The following TTN variants were observed in gnomAD, a reference collection of about 807,000 sequenced individuals.
TTN encodes titin.
Under a neutral mutation model 3,223.0 loss-of-function variants are expected in TTN, and 1,525 were observed. The observed-to-expected ratio is 0.47, with a 90% CI of 0.45 to 0.49. The LOEUF (loss-of-function observed/expected upper bound fraction) is 0.49, where lower values mean the gene tolerates loss of function less well. Among genes scored for constraint, TTN ranks in the 20% least tolerant of loss-of-function variants. TTN has a pLI of 0.00. For synonymous variants in TTN, 14,094 were observed against 15,161.0 expected (o/e 0.93, Z 5.17); for missense variants, 40,786 against 43,424.0 (o/e 0.94, Z 5.40).
intron 250 of TTN, 137 bp from the exon 251 acceptor site, chr2:178,618,990 C>G: frequency 8.2e-7 from 1 of 1,222,728 alleles, no homozygotes; most frequent in African/African-American, 1.5e-5. Flanking sequence ...GCAGAGAAAA[C>G]TAAGTGGCTT....
chr2:178,784,275 T>C lies in TTN; in HGVS notation c.2570A>G (p.Lys857Arg), dbSNP rs1471793019. The change falls in exon 16 of 363, where the codon AAA becomes AGA. Residue 857 changes from lysine to arginine, a missense_variant. Physicochemically the swap from Lys to Arg is conservative, Grantham distance 26. Transcript: ENST00000589042. Reference protein sequence around the residue: ...SATSSAQKITKSVKAPTVKPS... With the variant: ...SATSSAQKITRSVKAPTVKPS... ...CTTCACAGTAGGAGCCTTCACCGAT[T>C]TGGTGATCTTCTGAGCAGAAGATGT... is the stretch of plus-strand genomic sequence containing the variant. 1.2e-6 allele frequency: 2 copies of C among 1,613,986 alleles called. No homozygotes were observed. Among genetic ancestry groups the C allele is most frequent in the Non-Finnish European group, 1.7e-6 (2 of 1,180,004 alleles).
chr2:178,735,039 C>T, intron 50 of TTN, 51 bp from the exon 51 acceptor site: 2 of 1,472,406 alleles, frequency 1.4e-6, no homozygotes, highest in East Asian at 2.5e-5. Context: ...GAAACATAAA[C>T]TCCGCAAAAG....
At chr2:178,642,134 G>T in intron 219 of TTN, 103 bp downstream of exon 219, 4 of 896,202 alleles carry the variant, frequency 4.5e-6, no homozygotes, top group Non-Finnish European at 4.7e-6. Flanking sequence ...GATAAATAGC[G>T]AACCAATTCA....
At chr2:178,665,851 C>T (rs1396502889) in intron 163 of TTN, 60 bp from the exon 164 acceptor site, 3 of 824,996 alleles carry the variant, frequency 3.6e-6, no homozygotes, top group Non-Finnish European at 4.9e-6. Context: ...GAGTTCCCAT[C>T]TTAACTGCAC....
Position 178,590,199 on chromosome 2 carries a change from G to C in TTN, c.61526C>G (p.Thr20509Ser). Residue 20509 changes from threonine to serine, a missense_variant, in exon 304 of 363, where the codon ACT becomes AGT. Coordinates refer to ENST00000589042, the MANE Select transcript of TTN (RefSeq NM_001267550.2). ...CAATACTTTGCCTTCCTTAGTCCAA[G>C]TTATGTCTGGTTCAGGTCTGCCTTT... ...RVKGRPEPDITWTKEGKVLVR... is the reference protein window; with the variant it reads ...RVKGRPEPDISWTKEGKVLVR... 6.2e-7 allele frequency: 1 copy of C among 1,608,422 alleles called. No homozygotes were observed. Among genetic ancestry groups the C allele is most frequent in the Non-Finnish European group, 8.5e-7 (1 of 1,177,294 alleles).
At position 178,684,712 on chromosome 2, in the gene TTN, CTTT is replaced by C; in HGVS notation, c.32589_32591del (p.Lys10864del). On this transcript the variant is annotated inframe_deletion, in exon 131 of 363. Coordinates refer to ENST00000589042, the MANE Select transcript of TTN (RefSeq NM_001267550.2). ...CCATCTTAATGACTTTTGGAGGAAC[CTTT>C]TTTTCTGGAACTGGTTTCTTTGGCT... The C allele has an allele frequency of 6.2e-7, 1 of 1,613,286 alleles. No homozygotes were observed. The highest frequency in any genetic ancestry group is 8.5e-7 in the Non-Finnish European group (1 of 1,179,614).
intron 242 of TTN, 123 bp downstream of exon 242, chr2:178,624,342 T>G: frequency 8.3e-7 from 1 of 1,201,734 alleles, no homozygotes; most frequent in South Asian, 1.3e-5. Context: ...TCAGTGTCAA[T>G]ACTAGAAGTT....
chr2:178,537,151 C>G lies in TTN; in HGVS notation c.99958G>C (p.Gly33320Arg). Residue 33320 changes from glycine to arginine, a missense_variant, in exon 356 of 363, where the codon GGC (glycine) becomes CGC (arginine). Transcript: ENST00000589042. ...ISWKPPADDG[G>R]SWITNYVVEK... ...ACCACATAGTTGGTGATCCAGGAGC[C>G]TCCGTCATCTGCGGGTGGTTTCCAG... 1 of 1,613,642 alleles carries G rather than the reference C, an allele frequency of 6.2e-7. No homozygotes were observed. The highest frequency in any genetic ancestry group is 8.5e-7 in the Non-Finnish European group (1 of 1,179,726).
In TTN at chr2:178,575,502, T is replaced by C. The variant is rs1424128592; in HGVS notation, c.70630A>G (p.Ile23544Val). Reference protein sequence around the residue: ...SPPDSLNIMDITKSTVSLAWP... With the variant: ...SPPDSLNIMDVTKSTVSLAWP... ...GCCAGGCTGACGGTGCTCTTAGTTA[T>C]GTCCATGATGTTAAGGCTGTCTGGT... The change falls in exon 326 of 363, where the codon ATA (isoleucine) becomes GTA (valine). Residue 23544 changes from isoleucine to valine, a missense_variant. Ile to Val is a conservative substitution (Grantham distance 29). Transcript: ENST00000589042. This position sits in a 1 kb window ranked among gnomAD's most constrained non-coding sequence, Gnocchi z 4.0. 8 of 1,613,590 alleles carry C rather than the reference T, an allele frequency of 5.0e-6. No individual in the cohort carries two copies. Among genetic ancestry groups the C allele is most frequent in the Admixed American group, 3.3e-5 (2 of 59,998 alleles).
In TTN at chr2:178,534,730, T is replaced by C; in HGVS notation, c.101885A>G (p.Gln33962Arg). Reference sequence around the variant, plus strand: ...GTCCCCTGGTTTCAGCTGACGGGCTTGACCAAATTCTATGATTTTAATGGT... The same window carrying C: ...GTCCCCTGGTTTCAGCTGACGGGCTCGACCAAATTCTATGATTTTAATGGT... ...SSTIKIIEFG[Q>R]ARQLKPGDNF... The change falls in exon 358 of 363, where the codon CAA (glutamine) becomes CGA (arginine). Residue 33962 changes from glutamine to arginine, a missense_variant. Physicochemically the swap from Gln to Arg is conservative, Grantham distance 43. Coordinates refer to ENST00000589042, the MANE Select transcript of TTN (RefSeq NM_001267550.2). 6.2e-7 allele frequency: 1 copy of C among 1,613,872 alleles called. No individual in the cohort carries two copies. Among genetic ancestry groups the C allele is most frequent in the Middle Eastern group, 1.6e-4 (1 of 6,062 alleles).
intron 143 of TTN, 53 bp downstream of exon 143, chr2:178,678,694 T>C: frequency 6.6e-7 from 1 of 1,524,504 alleles, no homozygotes; most frequent in Non-Finnish European, 9.0e-7. Flanking sequence ...AATTAATTTT[T>C]ACCCATATGC....
intron 121 of TTN, 69 bp downstream of exon 121, chr2:178,691,947 T>G (rs754670545): frequency 1.7e-5 from 22 of 1,322,366 alleles, no homozygotes; most frequent in Non-Finnish European, 2.0e-5. Context: ...ATAGTACATA[T>G]GAAGATCGTA....
At chr2:178,784,029 A>G (rs964634897) in intron 16 of TTN, 41 bp downstream of exon 16, 2 of 1,611,256 alleles carry the variant, frequency 1.2e-6, no homozygotes, top group Non-Finnish European at 8.5e-7. Flanking sequence ...GCCCTGCTCA[A>G]TGGGAGTGGA....
Position 178,741,219 on chromosome 2 carries a change from T to G in TTN, c.12014A>C (p.Asp4005Ala). 1 of 1,613,470 alleles carries G rather than the reference T, an allele frequency of 6.2e-7. No homozygotes were observed. Among genetic ancestry groups the G allele is most frequent in the Non-Finnish European group, 8.5e-7 (1 of 1,179,824 alleles). Residue 4005 changes from aspartate to alanine, a missense_variant, in exon 48 of 363, where the codon GAC (aspartate) becomes GCC (alanine). By Grantham distance (126) the Asp-to-Ala change is moderately radical. Coordinates refer to ENST00000589042, the MANE Select transcript of TTN (RefSeq NM_001267550.2). The stretch of plus-strand genomic sequence containing the variant: ...TGCTTTACAGATATAGAGGCCACTG[T>G]CTTCCCTCTGAGGGTCATTGACAAT... ...TFIVNDPQRE[D>A]SGLYICKAEN...
chr2:178,802,046 C>A (rs2154359756), intron 3 of TTN, 92 bp downstream of exon 3: 2 of 1,489,620 alleles, frequency 1.3e-6, no homozygotes, highest in African/African-American at 1.4e-5. Context: ...GCTGCATCTA[C>A]CTCTGCCCAT....
rs1702325734 is a variant in TTN, at chr2:178,558,394, C to A, written c.87065G>T (p.Gly29022Val). Reference sequence around the variant, plus strand: ...CAGAAGCTCTCTCGGGTCACTCAGGCCAGCTTGATTTTCAGCAAACACTCG... The same window carrying A: ...CAGAAGCTCTCTCGGGTCACTCAGGACAGCTTGATTTTCAGCAAACACTCG... The part of the protein sequence containing the change: ...FFRVFAENQA[G>V]LSDPRELLLP... Residue 29022 changes from glycine (G) to valine (V), a missense_variant, in exon 327 of 363, where the codon GGC becomes GTC. Coordinates refer to ENST00000589042, the MANE Select transcript of TTN (RefSeq NM_001267550.2). 6.2e-7 allele frequency: 1 copy of A among 1,613,568 alleles called. No homozygotes were observed. The highest frequency in any genetic ancestry group is 1.3e-5 in the African/African-American group (1 of 74,916).
chr2:178,637,870 A>G (rs1292304018), intron 223 of TTN, among the ~76,000 whole-genome samples: 1 of 152,074 alleles, frequency 6.6e-6, no homozygotes, highest in African/African-American at 2.4e-5. Context: ...GGGCAGACAA[A>G]CAAATCCAGG....
In TTN at chr2:178,645,987, T is replaced by C. The variant is rs1259902550; in HGVS notation, c.40341A>G (p.Pro13447=). 6.3e-7 allele frequency: 1 copy of C among 1,584,020 alleles called. No homozygotes were observed. The highest frequency in any genetic ancestry group is 1.4e-5 in the African/African-American group (1 of 72,940). The change falls in exon 217 of 363, where the codon CCA becomes CCG. Residue 13447 remains proline, a synonymous_variant. Transcript: ENST00000589042. ...GAGCAGGTGGAGGAGGTGGGGGTCT[T>C]GGTTTGAGTTTTGGCTTCTCAATAA... is the stretch of plus-strand genomic sequence containing the variant. ...EKVIEKPKLK[P]RPPPPPPAPP...
Position 178,533,247 on chromosome 2 carries a change from C to T in TTN, c.103368G>A (p.Leu34456=). The change falls in exon 358 of 363, where the codon CTG becomes CTA. Residue 34456 remains leucine (L), a synonymous_variant. Coordinates refer to ENST00000589042, the MANE Select transcript of TTN (RefSeq NM_001267550.2). The stretch of plus-strand genomic sequence containing the variant: ...TCTTGAATTCCTGTTTCTTGTACCT[C>T]AGGCGTTCCACTTGTAGGTGAGCCT... ...SCQAHLQVER[L]RYKKQEFKSK... is the part of the protein sequence containing the mutation. 1 of 1,613,960 alleles carries T rather than the reference C, an allele frequency of 6.2e-7. No individual in the cohort carries two copies. The highest frequency in any genetic ancestry group is 8.5e-7 in the Non-Finnish European group (1 of 1,179,866).
Sources: gnomAD v4.1 joint callset for allele counts (sites outside exome capture counted in the v4.1 genomes callset) on GRCh38, gnomAD v4.1.1 for gene constraint, Gnocchi (gnomAD v3.1) non-coding constraint, MANE v1.5 for transcripts, NCBI Gene and HGNC (gene_info 2026-07-23, HGNC 2026-07-21) for gene names.